The following OXNAD1 variants were observed in gnomAD, a reference collection of about 807,000 sequenced individuals.
OXNAD1 encodes the protein oxidoreductase NAD-binding domain-containing protein 1.
OXNAD1 carries 34 observed loss-of-function variants against 32.9 expected under a neutral mutation model. That is an observed-to-expected ratio of 1.03 (90% confidence interval 0.79 to 1.38). OXNAD1 has a LOEUF of 1.38. OXNAD1 is among the 40% of genes most tolerant of loss of function. OXNAD1 has a pLI of 0.00. For missense variants in OXNAD1, 407 were observed against 379.4 expected (o/e 1.07, Z -0.60); for synonymous variants, 134 against 135.2 (o/e 0.99, Z 0.06).
At chr3:16,281,943 C>T (rs543210575) in intron 4 of OXNAD1, among the ~76,000 whole-genome samples, 4 of 140,570 alleles carry the variant, frequency 2.8e-5, no homozygotes, top group African/African-American at 1.1e-4. Context: ...TGGCTCACTG[C>T]AGTCTTGACC....
chr3:16,296,972 CA>C (rs1032394876), intron 6 of OXNAD1, among the ~76,000 whole-genome samples: 1 of 151,180 alleles, frequency 6.6e-6, no homozygotes. Flanking sequence ...CAAGATCCAT[CA>C]AAAAAAAGGT....
intron 9 of OXNAD1, chr3:16,326,867 C>T: frequency 6.2e-7 from 1 of 1,613,536 alleles, no homozygotes; most frequent in Non-Finnish European, 8.5e-7. Flanking sequence ...TCTGTCTGCA[C>T]TTCGACACCC....
intron 9 of OXNAD1, chr3:16,313,617 C>T (rs980461933): frequency 6.6e-6 from 1 of 152,184 alleles, no homozygotes; most frequent in African/African-American, 2.4e-5. Context: ...TTAATCCTCA[C>T]AAAAATCCAA....
downstream of OXNAD1, among the ~76,000 whole-genome samples, chr3:16,310,991 C>CAAAA (rs1003070321): frequency 4.5e-4 from 26 of 57,524 alleles, no homozygotes; most frequent in African/African-American, 7.3e-4. Flanking sequence ...ACTCAGTCTC[C>CAAAA]AAAAAAAAAA....
intron 1 of OXNAD1, among the ~76,000 whole-genome samples, chr3:16,267,309 C>T (rs569452938): frequency 2.6e-5 from 4 of 152,228 alleles, no homozygotes; most frequent in Non-Finnish European, 5.9e-5. Flanking sequence ...ATCCTTCCCA[C>T]AGCAACTTGA....
At chr3:16,294,802 T>A in intron 5 of OXNAD1, 54 bp from the exon 6 acceptor site, 1 of 1,552,426 alleles carries the variant, frequency 6.4e-7, no homozygotes, top group East Asian at 2.3e-5. Context: ...CTGTTTAATT[T>A]ACCAATTTTT....
At position 16,297,868 on chromosome 3, in the gene OXNAD1, G is replaced by A. The variant is rs1003396326; in HGVS notation, c.432+2871G>A. 1.6e-4 allele frequency among the ~76,000 whole-genome samples: 24 copies of A among 152,110 alleles called. No individual in the cohort carries two copies. Among genetic ancestry groups the A allele is most frequent in the Admixed American group, 1.6e-3 (24 of 15,284 alleles). ...ATAGCACAGGGGAATATTTTCAGGG[G>A]GTGATGGAACTAATATATGTTTTGA... On this transcript the variant is annotated intron_variant, in intron 6 of 8. Coordinates refer to ENST00000285083, the MANE Select transcript of OXNAD1 (RefSeq NM_138381.5). The surrounding 1 kb of genome is among the most constrained non-coding windows in gnomAD (Gnocchi z 4.3).
intron 9 of OXNAD1, among the ~76,000 whole-genome samples, chr3:16,313,274 C>G (rs1350825227): frequency 6.9e-6 from 1 of 145,452 alleles, no homozygotes; most frequent in East Asian, 2.0e-4. Context: ...AACTCCTGAG[C>G]TCAAGCGATC....
At position 16,346,703 on chromosome 3, in the gene OXNAD1, C is replaced by T. The variant is rs1386575618; in HGVS notation, c.*31-2473C>T. Among the ~76,000 whole-genome samples the T allele has an allele frequency of 6.6e-6, 1 of 152,176 alleles. No homozygotes were observed. The stretch of plus-strand genomic sequence containing the variant: ...TCTCTGTTGTGGGTTTCTGGGAAAG[C>T]TTTTACTTGCTAATAAAAAGGGACG... On this transcript the variant is annotated intron_variant, in intron 9 of 9. Transcript: ENST00000606098. The surrounding 1 kb of genome is among the most constrained non-coding windows in gnomAD (Gnocchi z 4.4).
chr3:16,293,431 G>A (rs1462760919), intron 5 of OXNAD1, among the ~76,000 whole-genome samples: 4 of 152,232 alleles, frequency 2.6e-5, no homozygotes, highest in African/African-American at 7.2e-5. Flanking sequence ...GAATACATTA[G>A]TATTTTCTAT....
intron 5 of OXNAD1, among the ~76,000 whole-genome samples, chr3:16,293,108 TGAG>T (rs1339570630): frequency 6.6e-6 from 1 of 152,228 alleles, no homozygotes; most frequent in East Asian, 1.9e-4. Flanking sequence ...TGGATCAATT[TGAG>T]GAGTATTGCC....
chr3:16,296,008 A>C (rs776976131), intron 6 of OXNAD1, among the ~76,000 whole-genome samples: 102 of 152,284 alleles, frequency 6.7e-4, no homozygotes, highest in Non-Finnish European at 1.3e-3. Flanking sequence ...GCACCAACAA[A>C]AATACATGAG....
In OXNAD1 at chr3:16,288,625, A is replaced by G. The variant is rs1331935531; in HGVS notation, c.290+2177A>G. 6.6e-6 allele frequency among the ~76,000 whole-genome samples: 1 copy of G among 152,196 alleles called. No homozygotes were observed. The highest frequency in any genetic ancestry group is 2.4e-5 in the African/African-American group (1 of 41,438). ...GCAGAGAGGGCTGGTTCCTGTAGCAATAAACCAGTTCCAAGAACTGTAGCA... is the reference window on the plus strand; with the variant it reads ...GCAGAGAGGGCTGGTTCCTGTAGCAGTAAACCAGTTCCAAGAACTGTAGCA... On this transcript the variant is annotated intron_variant, in intron 5 of 8. Coordinates refer to ENST00000285083, the MANE Select transcript of OXNAD1 (RefSeq NM_138381.5). This position sits in a 1 kb window ranked among gnomAD's most constrained non-coding sequence, Gnocchi z 5.1.
chr3:16,304,665 T>G lies in OXNAD1; in HGVS notation c.*1103T>G, dbSNP rs911489294. On this transcript the variant is annotated 3_prime_UTR_variant, in exon 9 of 9. Coordinates refer to ENST00000285083, the MANE Select transcript of OXNAD1 (RefSeq NM_138381.5). The surrounding 1 kb of genome is among the most constrained non-coding windows in gnomAD (Gnocchi z 4.6). Reference sequence around the variant, plus strand: ...GCCAGGCCATTCCTTTTATGACAAGTAGTCCTGGGCCCAAGGTTGCCTGCA... The same window carrying G: ...GCCAGGCCATTCCTTTTATGACAAGGAGTCCTGGGCCCAAGGTTGCCTGCA... 1 of 152,270 alleles carries G rather than the reference T, an allele frequency of 6.6e-6. No homozygotes were observed. Among genetic ancestry groups the G allele is most frequent in the African/African-American group, 2.4e-5 (1 of 41,554 alleles). The allele number at this position is 152,270 out of a possible 1,614,324, so 9.4% of individuals were successfully genotyped here. A position where few individuals can be genotyped will look rare whatever the true frequency, so the allele number is the denominator to read the frequency against.
intron 9 of OXNAD1, among the ~76,000 whole-genome samples, chr3:16,332,424 T>G (rs954713786): frequency 3.9e-5 from 6 of 152,122 alleles, no homozygotes; most frequent in African/African-American, 9.7e-5. Flanking sequence ...CTTCTTTTTT[T>G]TTTTTACAGC....
At chr3:16,318,295 T>C (rs2068657733) in intron 9 of OXNAD1, among the ~76,000 whole-genome samples, 1 of 152,198 alleles carries the variant, frequency 6.6e-6, no homozygotes, top group Admixed American at 6.5e-5. Flanking sequence ...CTTCAGCTGT[T>C]ATCTCATTGG....
chr3:16,303,278 G>A lies in OXNAD1; in HGVS notation c.785-130G>A. On this transcript the variant is annotated intron_variant, in intron 8 of 8. Coordinates refer to ENST00000285083, the MANE Select transcript of OXNAD1 (RefSeq NM_138381.5). The surrounding 1 kb of genome is among the most constrained non-coding windows in gnomAD (Gnocchi z 4.8). ...CAGATGCCAATAGGAGCCATACTGT[G>A]AATGGCTTAAGAAGACTAGACTCAC... The A allele has an allele frequency of 9.2e-7, 1 of 1,087,556 alleles. No homozygotes were observed. The highest frequency in any genetic ancestry group is 1.3e-6 in the Non-Finnish European group (1 of 747,876). 67.4% of individuals were successfully genotyped at this position (1,087,556 alleles called of 1,614,324 possible).
At chr3:16,337,686 G>A (rs1290114321), downstream of OXNAD1, among the ~76,000 whole-genome samples, 1 of 149,248 alleles carries the variant, frequency 6.7e-6, no homozygotes, top group Non-Finnish European at 1.5e-5. The surrounding 1 kb of genome is among the most constrained non-coding windows in gnomAD (Gnocchi z 5.0). Context: ...AGGTTGCAGT[G>A]AGCCCAGATT....
At chr3:16,349,105 G>A (rs1404718370) in intron 9 of OXNAD1, 1 of 152,238 alleles carries the variant, frequency 6.6e-6, no homozygotes, top group Non-Finnish European at 1.5e-5. Context: ...CATCATTATG[G>A]GAAGGGAAAT....
Sources: gnomAD v4.1 joint callset for allele counts (sites outside exome capture counted in the v4.1 genomes callset) on GRCh38, gnomAD v4.1.1 for gene constraint, Gnocchi (gnomAD v3.1) non-coding constraint, MANE v1.5 for transcripts, NCBI Gene and HGNC (gene_info 2026-07-23, HGNC 2026-07-21) for gene names.